RIN2: variants seen among roughly 807,000 people sequenced by gnomAD.
RIN2 encodes the protein RAB5 interacting protein 2.
Under a neutral mutation model 78.0 loss-of-function variants are expected in RIN2, and 36 were observed. The ratio of observed to expected loss-of-function variants is 0.46; its 90% CI spans 0.35 to 0.61. RIN2 has a LOEUF of 0.61. Ranked by LOEUF, RIN2 falls within the 20% of genes least tolerant of loss-of-function variation. RIN2 has a pLI of 0.00. For missense variants in RIN2, 1,087 were observed against 1,159.7 expected, an observed-to-expected ratio of 0.94 and a Z score of 0.91; for synonymous variants, 466 against 466.8, an observed-to-expected ratio of 1.00 and a Z score of 0.02.
chr20:19,850,216 C>T (rs559659521), intron 2 of RIN2, among the ~76,000 whole-genome samples: 1 of 152,286 alleles, frequency 6.6e-6, no homozygotes, highest in Non-Finnish European at 1.5e-5. Flanking sequence ...TTTCTGAGTG[C>T]TGTCTTGCCG....
At chr20:19,966,446 C>T (rs1340237857) in intron 7 of RIN2, among the ~76,000 whole-genome samples, 4 of 151,978 alleles carry the variant, frequency 2.6e-5, no homozygotes, top group Admixed American at 2.6e-4. Context: ...GCCTCAGCCT[C>T]CTGAGTAGCT....
intron 2 of RIN2, among the ~76,000 whole-genome samples, chr20:19,874,568 G>T (rs1414165486): frequency 6.6e-6 from 1 of 152,136 alleles, no homozygotes; most frequent in Non-Finnish European, 1.5e-5. Flanking sequence ...CCTTTCTTTG[G>T]CTGCCTTCTC....
At chr20:19,774,199 A>C (rs59599520) in intron 1 of RIN2, among the ~76,000 whole-genome samples, 1,873 of 152,284 alleles carry the variant, frequency 0.012, 41 homozygotes, top group East Asian at 0.088. Context: ...CTAAAATGAC[A>C]TAAATATGAA....
chr20:19,761,095 C>T (rs1451919694), intron 1 of RIN2, among the ~76,000 whole-genome samples: 1 of 152,186 alleles, frequency 6.6e-6, no homozygotes, highest in African/African-American at 2.4e-5. Context: ...GACTGTAATG[C>T]CTCTGAAGAA....
intron 4 of RIN2, among the ~76,000 whole-genome samples, chr20:19,949,201 G>A (rs1207606931): frequency 1.3e-5 from 2 of 152,206 alleles, no homozygotes; most frequent in Non-Finnish European, 2.9e-5. Flanking sequence ...AGAATCGCTT[G>A]AGCCTGGGAG....
chr20:19,950,767 A>G (rs935810769), intron 4 of RIN2, among the ~76,000 whole-genome samples: 8 of 151,918 alleles, frequency 5.3e-5, no homozygotes, highest in Admixed American at 1.3e-4. Context: ...CTGGAGTGCA[A>G]TGGTGCAGTC....
chr20:19,882,701 T>A (rs1192021453), intron 2 of RIN2, among the ~76,000 whole-genome samples: 6 of 152,204 alleles, frequency 3.9e-5, no homozygotes, highest in African/African-American at 1.4e-4. Context: ...ACTGATCACA[T>A]GGAGCTTTTC....
intron 1 of RIN2, among the ~76,000 whole-genome samples, chr20:19,777,104 T>C (rs571907402): frequency 3.9e-5 from 6 of 152,200 alleles, no homozygotes; most frequent in African/African-American, 1.4e-4. Context: ...CGGGAGGGAA[T>C]TGTTTTATCC....
intron 3 of RIN2, among the ~76,000 whole-genome samples, chr20:19,902,028 A>G (rs1286865269): frequency 6.7e-6 from 1 of 148,296 alleles, no homozygotes; most frequent in Non-Finnish European, 1.5e-5. Context: ...AAAAAAAAAA[A>G]AAAAAAAAAA....
intron 12 of RIN2, among the ~76,000 whole-genome samples, chr20:19,999,584 C>G (rs2043078828): frequency 1.3e-5 from 2 of 152,186 alleles, no homozygotes; most frequent in African/African-American, 2.4e-5. Flanking sequence ...ACTGGCTGTT[C>G]TAGATTTCAT....
intron 3 of RIN2, among the ~76,000 whole-genome samples, chr20:19,924,179 A>ACCTTCATACTCCCACCTTCATACCCT (rs1568614964): frequency 3.1e-5 from 1 of 31,930 alleles, no homozygotes; most frequent in Non-Finnish European, 5.1e-5. Flanking sequence ...CTTCATACCC[A>ACCTTCATACTCCCACCTTCATACCCT]CACCTTCATA....
rs1389088737 is a variant in RIN2 at position 19,823,413 on chromosome 20, A to G, written c.-37+23666A>G. 1.7e-5 allele frequency: 12 copies of G among 698,884 alleles called. No homozygotes were observed. In the African/African-American group the frequency reaches 2.0e-4, roughly 12 times the overall value. The allele number at this position is 698,884 out of a possible 1,614,324, so 43.3% of individuals were successfully genotyped here. ...CTTTTTTTTTTTTCTTTTTTTGTCA[A>G]ATGATCCTTTATTGAAATATTTTCC... On this transcript the variant is annotated intron_variant, in intron 2 of 12. Transcript: ENST00000255006.
intron 2 of RIN2, among the ~76,000 whole-genome samples, chr20:19,847,065 A>G (rs1001839840): frequency 6.6e-6 from 1 of 152,140 alleles, no homozygotes; most frequent in African/African-American, 2.4e-5. Context: ...TCTTTTTGTA[A>G]TATTGGGCAG....
chr20:19,819,304 G>A (rs2035862542), intron 2 of RIN2, among the ~76,000 whole-genome samples: 1 of 152,214 alleles, frequency 6.6e-6, no homozygotes, highest in Admixed American at 6.5e-5. Context: ...GAGAGAAGAA[G>A]AACCAGCAAG....
At chr20:19,955,685 G>C (rs199556) in intron 4 of RIN2, among the ~76,000 whole-genome samples, 1 of 152,072 alleles carries the variant, frequency 6.6e-6, no homozygotes, top group East Asian at 1.9e-4. Context: ...GGTTGTTTCC[G>C]CTTGTTAGCT....
chr20:19,830,602 T>C (rs1450607567), intron 2 of RIN2, among the ~76,000 whole-genome samples: 1 of 152,232 alleles, frequency 6.6e-6, no homozygotes, highest in Non-Finnish European at 1.5e-5. Flanking sequence ...TGGGCCGGAA[T>C]TTCCTGTTGC....
chr20:19,905,900 G>A lies in RIN2; in HGVS notation c.57+16242G>A, dbSNP rs531512487. Among the ~76,000 whole-genome samples, 4 of 152,312 alleles carry A rather than the reference G, an allele frequency of 2.6e-5. No individual in the cohort carries two copies. The South Asian group carries it at 8.3e-4, about 32-fold the overall frequency. On this transcript the variant is annotated intron_variant, in intron 3 of 12. Coordinates refer to ENST00000255006, the MANE Select transcript of RIN2 (RefSeq NM_018993.4). ...AATATTCATTCTCTGGCCCTCTGTA[G>A]AGAAAGTTTGCTGACCACTGACTTA...
At chr20:19,870,831 T>A (rs1251151189) in intron 2 of RIN2, among the ~76,000 whole-genome samples, 1 of 152,200 alleles carries the variant, frequency 6.6e-6, no homozygotes, top group Non-Finnish European at 1.5e-5. Flanking sequence ...TAACTGATGC[T>A]GTGTTCTTCT....
chr20:19,835,976 G>C (rs562252908), intron 2 of RIN2, among the ~76,000 whole-genome samples: 17 of 152,266 alleles, frequency 1.1e-4, no homozygotes, highest in African/African-American at 3.9e-4. Context: ...TGCTAGGACC[G>C]GGACTGGCTG....
Sources: gnomAD v4.1 joint callset for allele counts (sites outside exome capture counted in the v4.1 genomes callset) on GRCh38, gnomAD v4.1.1 for gene constraint, MANE v1.5 for transcripts, NCBI Gene and HGNC (gene_info 2026-07-23, HGNC 2026-07-21) for gene names.